The following TBC1D5 variants were observed in gnomAD, a reference collection of about 807,000 sequenced individuals.
TBC1D5 encodes the protein TBC1 domain family, member 5.
TBC1D5 carries 75 observed loss-of-function variants against 100.3 expected under a neutral mutation model. The observed-to-expected ratio is 0.75, with a 90% confidence interval of 0.62 to 0.91. The LOEUF (loss-of-function observed/expected upper bound fraction) is 0.91, where lower values mean the gene tolerates loss of function less well. Among genes scored for constraint, TBC1D5 ranks in the 40% least tolerant of loss-of-function variants. TBC1D5 has a pLI of 0.00. For missense variants in TBC1D5, 910 were observed against 942.4 expected (o/e 0.97, Z 0.45); for synonymous variants, 323 against 325.6 (o/e 0.99, Z 0.09).
At chr3:17,469,583 T>C (rs921591985) in intron 3 of TBC1D5, among the ~76,000 whole-genome samples, 5 of 152,232 alleles carry the variant, frequency 3.3e-5, no homozygotes, top group Admixed American at 1.3e-4. Context: ...AACGCATCTT[T>C]ACTTAGCTAC....
Position 17,404,639 on chromosome 3 carries a change from T to C in TBC1D5, c.441+55A>G, listed in dbSNP as rs141089434. 9.8e-5 allele frequency: 146 copies of C among 1,493,044 alleles called. No individual in the cohort carries two copies. In the African/African-American group the frequency reaches 1.5e-3, roughly 15 times the overall value. The allele number at this position is 1,493,044 out of a possible 1,614,324, so 92.5% of individuals were successfully genotyped here. A position where few individuals can be genotyped will look rare whatever the true frequency, so the allele number is the denominator to read the frequency against. ...TCATGGTGACTGGCAACCAGTCATA[T>C]AAACATATTCTTAGCAGCAAAAGAG... On this transcript the variant is annotated intron_variant, in intron 7 of 21. Coordinates refer to ENST00000253692, the Ensembl canonical transcript of TBC1D5.
chr3:17,341,692 T>A (rs992581682), intron 13 of TBC1D5, among the ~76,000 whole-genome samples: 1 of 152,174 alleles, frequency 6.6e-6, no homozygotes, highest in African/African-American at 2.4e-5. Flanking sequence ...AGTAACACTT[T>A]TAGACTACTA....
At chr3:17,483,956 A>G (rs970776766) in intron 3 of TBC1D5, among the ~76,000 whole-genome samples, 10 of 152,206 alleles carry the variant, frequency 6.6e-5, no homozygotes, top group Non-Finnish European at 1.3e-4. Context: ...CCTGGACATG[A>G]TAACTTTAGG....
intron 2 of TBC1D5, among the ~76,000 whole-genome samples, chr3:17,595,226 C>T (rs2060487528): frequency 6.6e-6 from 1 of 152,180 alleles, no homozygotes. Flanking sequence ...CACTTAAAAA[C>T]CTCCCCTTTA....
At chr3:17,233,712 G>C (rs2075624596) in intron 17 of TBC1D5, 1 of 1,544,768 alleles carries the variant, frequency 6.5e-7, no homozygotes, top group Admixed American at 2.0e-5. Context: ...GTCTGGACAG[G>C]AACAGAAACC....
chr3:17,304,788 T>C (rs2083229681), intron 14 of TBC1D5, among the ~76,000 whole-genome samples: 1 of 152,144 alleles, frequency 6.6e-6, no homozygotes, highest in Non-Finnish European at 1.5e-5. Context: ...GTTTGAGAAG[T>C]AAACCTCTCT....
At chr3:17,164,258 C>T (rs984816187) in intron 21 of TBC1D5, among the ~76,000 whole-genome samples, 19 of 152,182 alleles carry the variant, frequency 1.2e-4, no homozygotes, top group Non-Finnish European at 5.9e-5. Flanking sequence ...GGAAGGGCAT[C>T]GGCAGGAGGA....
At chr3:17,705,350 C>A (rs2073960748) in intron 1 of TBC1D5, among the ~76,000 whole-genome samples, 1 of 118,234 alleles carries the variant, frequency 8.5e-6, no homozygotes, top group Non-Finnish European at 1.8e-5. Flanking sequence ...GGGGCTGACC[C>A]CCCCCCACCT....
chr3:17,280,988 C>A (rs2080524511), intron 15 of TBC1D5, among the ~76,000 whole-genome samples: 1 of 152,232 alleles, frequency 6.6e-6, no homozygotes, highest in South Asian at 2.1e-4. Context: ...ACCCCGGCTC[C>A]TGCAAGTGCT....
intron 18 of TBC1D5, among the ~76,000 whole-genome samples, chr3:17,193,703 T>C (rs945098741): frequency 6.6e-6 from 1 of 152,350 alleles, no homozygotes; most frequent in East Asian, 1.9e-4. Flanking sequence ...TAATAACTTC[T>C]TTTGTAGATA....
intron 16 of TBC1D5, among the ~76,000 whole-genome samples, chr3:17,253,508 A>G (rs2077351419): frequency 6.6e-6 from 1 of 152,198 alleles, no homozygotes; most frequent in African/African-American, 2.4e-5. Flanking sequence ...TTTATATATA[A>G]TATACAGATC....
chr3:17,676,023 A>C (rs1254064298), intron 1 of TBC1D5, among the ~76,000 whole-genome samples: 3 of 152,132 alleles, frequency 2.0e-5, no homozygotes, highest in Non-Finnish European at 2.9e-5. Flanking sequence ...ATCAAGAAAG[A>C]TTCTCCATTA....
chr3:17,368,791 T>C (rs909430267), intron 13 of TBC1D5, among the ~76,000 whole-genome samples: 2 of 152,080 alleles, frequency 1.3e-5, no homozygotes, highest in Non-Finnish European at 2.9e-5. Context: ...CTATAAAATA[T>C]CTGGCATGCA....
chr3:17,694,207 C>G (rs1430335004), intron 1 of TBC1D5, among the ~76,000 whole-genome samples: 1 of 152,306 alleles, frequency 6.6e-6, no homozygotes, highest in Admixed American at 6.5e-5. Context: ...CATTGCAGCT[C>G]CTTGCCAGCA....
At chr3:17,487,191 C>T (rs1364867237) in intron 3 of TBC1D5, among the ~76,000 whole-genome samples, 3 of 152,114 alleles carry the variant, frequency 2.0e-5, no homozygotes, top group Non-Finnish European at 4.4e-5. Flanking sequence ...TAAAATTTTA[C>T]TATTTGGCCA....
chr3:17,262,421 T>C (rs890443527), intron 15 of TBC1D5, among the ~76,000 whole-genome samples: 1 of 152,204 alleles, frequency 6.6e-6, no homozygotes, highest in African/African-American at 2.4e-5. Context: ...TGACTGTATT[T>C]TAAACTCATT....
chr3:17,234,269 T>C (rs181049092), intron 17 of TBC1D5, among the ~76,000 whole-genome samples: 12 of 152,260 alleles, frequency 7.9e-5, no homozygotes, highest in African/African-American at 2.6e-4. Flanking sequence ...CATGTACTTA[T>C]AAATGTCAAC....
chr3:17,255,489 C>T lies in TBC1D5; in HGVS notation c.1331+3017G>A, dbSNP rs116620356. Among the ~76,000 whole-genome samples, 1,401 of 152,122 alleles carry T rather than the reference C, an allele frequency of 9.2e-3. 24 individuals carry two copies. Among genetic ancestry groups the T allele is most frequent in the African/African-American group, 0.031 (1,306 of 41,512 alleles). On this transcript the variant is annotated intron_variant, in intron 16 of 21. Coordinates refer to ENST00000253692, the Ensembl canonical transcript of TBC1D5. ...TGCTGGGATTACAGGTGTGAGCCAC[C>T]GCACCCGGCCAGATCCTGTGTTTCT...
chr3:17,292,401 A>G (rs2081854110), intron 14 of TBC1D5, among the ~76,000 whole-genome samples: 1 of 126,126 alleles, frequency 7.9e-6, no homozygotes, highest in Non-Finnish European at 1.8e-5. Context: ...TTTTCATGAA[A>G]TAATATTTAC....
Sources: allele counts gnomAD v4.1 joint callset (sites outside exome capture counted in the v4.1 genomes callset), GRCh38; gene constraint gnomAD v4.1.1; transcripts MANE v1.5; gene names NCBI Gene and HGNC (gene_info 2026-07-23, HGNC 2026-07-21).